Variants in TRAM2 observed in about 807,000 individuals in gnomAD.
TRAM2 encodes translocating chain-associated membrane protein 2.
TRAM2 carries 12 observed loss-of-function variants against 51.0 expected under a neutral mutation model. That is an observed-to-expected ratio of 0.24 (90% CI 0.15 to 0.38). The LOEUF (loss-of-function observed/expected upper bound fraction) is 0.38, where lower values mean the gene tolerates loss of function less well. TRAM2 is among the 10% of genes least tolerant of loss of function. The pLI is 1.00. For missense variants in TRAM2, 361 were observed against 462.0 expected (o/e 0.78, Z 2.00); for synonymous variants, 175 against 179.4 (o/e 0.98, Z 0.20).
chr6:52,541,402 C>T (rs562916862), intron 1 of TRAM2, among the ~76,000 whole-genome samples: 1 of 152,316 alleles, frequency 6.6e-6, no homozygotes, highest in Non-Finnish European at 1.5e-5. Flanking sequence ...AGGAGCAGCT[C>T]AGAACGAATG....
At chr6:52,514,892 A>G (rs1177044902) in intron 4 of TRAM2, among the ~76,000 whole-genome samples, 2 of 152,242 alleles carry the variant, frequency 1.3e-5, no homozygotes, top group Non-Finnish European at 2.9e-5. Context: ...CACAGTGTCA[A>G]TCTGCCCCTG....
chr6:52,532,639 T>C (rs1766912508), intron 2 of TRAM2, among the ~76,000 whole-genome samples: 1 of 152,208 alleles, frequency 6.6e-6, no homozygotes, highest in South Asian at 2.1e-4. Flanking sequence ...CACAAGAATG[T>C]TCACTGTAGT....
intron 1 of TRAM2, among the ~76,000 whole-genome samples, chr6:52,566,067 A>G (rs1242304866): frequency 6.6e-6 from 1 of 152,246 alleles, no homozygotes; most frequent in African/African-American, 2.4e-5. Flanking sequence ...CATGAGATGC[A>G]AACAAATACC....
chr6:52,556,466 G>C lies in TRAM2; in HGVS notation c.120+20330C>G, dbSNP rs529126326. On this transcript the variant is annotated intron_variant, in intron 1 of 10. Coordinates refer to ENST00000182527, the MANE Select transcript of TRAM2 (RefSeq NM_012288.4). ...CAGCTAATTTGTTGTATTTTTAGTA[G>C]AGATGGGGTTTCACCATGTTGGCCA... 2.0e-3 allele frequency among the ~76,000 whole-genome samples: 305 copies of C among 152,060 alleles called. 1 individual carries two copies. The highest frequency in any genetic ancestry group is 7.0e-3 in the African/African-American group (289 of 41,518).
intron 1 of TRAM2, among the ~76,000 whole-genome samples, chr6:52,555,080 A>G (rs1468753859): frequency 6.6e-6 from 1 of 152,082 alleles, no homozygotes; most frequent in Non-Finnish European, 1.5e-5. Flanking sequence ...CTGGTCTAAT[A>G]CCCTCACTTT....
At chr6:52,522,304 A>G (rs1017687370) in intron 2 of TRAM2, among the ~76,000 whole-genome samples, 3 of 152,286 alleles carry the variant, frequency 2.0e-5, no homozygotes, top group African/African-American at 7.2e-5. Flanking sequence ...TGAGGGAGGC[A>G]GTGGCGTAGC....
At chr6:52,509,774 G>T (rs1766420720) in intron 4 of TRAM2, among the ~76,000 whole-genome samples, 188 bp from the exon 5 acceptor site, 1 of 152,142 alleles carries the variant, frequency 6.6e-6, no homozygotes, top group South Asian at 2.1e-4. Flanking sequence ...CTTTACTGTG[G>T]AAGAGTCATG....
rs775593303 is a variant in TRAM2, at chr6:52,526,152, GACACACACACACACACAC to G, written c.185-9433_185-9416del. ...CCATCCTAGGAAATACACACAGACA[GACACACACACACACACAC>G]ACACACACACACACACACACACACA... On this transcript the variant is annotated intron_variant, in intron 2 of 10. Transcript: ENST00000182527. Among the ~76,000 whole-genome samples the G allele has an allele frequency of 4.0e-3, 115 of 28,872 alleles. 1 individual carries two copies. Among genetic ancestry groups the G allele is most frequent in the African/African-American group, 0.011 (93 of 8,730 alleles). 18.9% of individuals were successfully genotyped at this position (28,872 alleles called of 152,430 possible).
chr6:52,574,443 C>T (rs995471185), intron 1 of TRAM2, among the ~76,000 whole-genome samples: 1 of 152,190 alleles, frequency 6.6e-6, no homozygotes, highest in African/African-American at 2.4e-5. Flanking sequence ...GAACACAAGA[C>T]CTTCTTACTG....
intron 1 of TRAM2, among the ~76,000 whole-genome samples, chr6:52,573,940 G>C (rs1027612177): frequency 2.0e-5 from 3 of 152,172 alleles, no homozygotes; most frequent in Non-Finnish European, 4.4e-5. Flanking sequence ...CGCTCTTTGT[G>C]GGAAGAATTA....
In TRAM2 at chr6:52,510,436, A is replaced by C. The variant is rs1307330995; in HGVS notation, c.412-850T>G. 3.3e-5 allele frequency among the ~76,000 whole-genome samples: 5 copies of C among 152,242 alleles called. No individual in the cohort carries two copies. The East Asian group carries it at 9.6e-4, about 29-fold the overall frequency. On this transcript the variant is annotated intron_variant, in intron 4 of 10. Transcript: ENST00000182527. Reference sequence around the variant, plus strand: ...GGAGAGGGAGGCTAAAAGGCAGAGCAGTAAAGTGACACTGTAGCAGCCCAA... The same window carrying C: ...GGAGAGGGAGGCTAAAAGGCAGAGCCGTAAAGTGACACTGTAGCAGCCCAA...
chr6:52,539,249 T>C (rs1334784572), intron 1 of TRAM2, among the ~76,000 whole-genome samples: 1 of 152,162 alleles, frequency 6.6e-6, no homozygotes, highest in Admixed American at 6.5e-5. Context: ...AGGACATCTG[T>C]CTACAGGATG....
chr6:52,523,025 T>C (rs1002056542), intron 2 of TRAM2: 15 of 656,318 alleles, frequency 2.3e-5, no homozygotes, highest in African/African-American at 3.6e-5. Context: ...TGAGAACTCA[T>C]GTGAGCCAGG....
Position 52,535,807 on chromosome 6 carries a change from A to G in TRAM2, c.160T>C (p.Tyr54His), listed in dbSNP as rs2114086396. 1 of 1,614,030 alleles carries G rather than the reference A, an allele frequency of 6.2e-7. No homozygotes were observed. Among genetic ancestry groups the G allele is most frequent in the East Asian group, 2.2e-5 (1 of 44,888 alleles). The change falls in exon 2 of 11, where the codon TAT becomes CAT. Residue 54 changes from tyrosine (Y) to histidine (H), a missense_variant. Physicochemically the swap from Tyr to His is moderately conservative, Grantham distance 83 (BLOSUM62 2). Transcript: ENST00000182527. Reference protein sequence around the residue: ...KTAFLFILPQYNISVPTADSE... With the variant: ...KTAFLFILPQHNISVPTADSE... ...CCTGCTGTAGGCACGCTAATGTTAT[A>G]CTGAGGTAAAATAAATAGAAAGGCA...
intron 1 of TRAM2, among the ~76,000 whole-genome samples, chr6:52,551,691 T>G (rs994281070): frequency 1.3e-5 from 2 of 151,916 alleles, no homozygotes; most frequent in Non-Finnish European, 2.9e-5. Context: ...TGGAGATGGG[T>G]CAGATTAAAG....
At chr6:52,551,321 C>G (rs1321712310) in intron 1 of TRAM2, among the ~76,000 whole-genome samples, 1 of 152,210 alleles carries the variant, frequency 6.6e-6, no homozygotes, top group East Asian at 1.9e-4. Context: ...TGATCTGTTT[C>G]AGCCCGGAAG....
chr6:52,553,794 G>A (rs1767352817), intron 1 of TRAM2, among the ~76,000 whole-genome samples: 2 of 152,090 alleles, frequency 1.3e-5, no homozygotes, highest in South Asian at 2.1e-4. Context: ...ACTATGGAGG[G>A]GACTAGTGGG....
intron 2 of TRAM2, among the ~76,000 whole-genome samples, chr6:52,518,226 G>A (rs772755274): frequency 2.6e-4 from 39 of 152,156 alleles, no homozygotes; most frequent in African/African-American, 8.2e-4. Flanking sequence ...TGAACAGAAC[G>A]GCATTGGAAC....
chr6:52,504,772 AGGGGCTTAGGCT>A lies in TRAM2; in HGVS notation c.876-30_876-19del, dbSNP rs1766314620. ...CGCAGAGCCTGCAGAGCAGGGGGTT[AGGGGCTTAGGCT>A]GGGGCTTGGGCTCACAGCCTTGGGC... On this transcript the variant is annotated intron_variant, in intron 9 of 10. Coordinates refer to ENST00000182527, the MANE Select transcript of TRAM2 (RefSeq NM_012288.4). 3 of 1,583,452 alleles carry A rather than the reference AGGGGCTTAGGCT, an allele frequency of 1.9e-6. No individual in the cohort carries two copies. The highest frequency in any genetic ancestry group is 2.6e-6 in the Non-Finnish European group (3 of 1,168,190).
Sources: allele counts gnomAD v4.1 joint callset (sites outside exome capture counted in the v4.1 genomes callset), GRCh38; gene constraint gnomAD v4.1.1; transcripts MANE v1.5; gene names NCBI Gene and HGNC (gene_info 2026-07-23, HGNC 2026-07-21).